GRM4: variants seen among roughly 807,000 people sequenced by gnomAD.
GRM4 encodes the protein glutamate metabotropic receptor 4, also known as metabotropic glutamate receptor 4.
GRM4 carries 28 observed loss-of-function variants against 81.7 expected under a neutral mutation model. That is an observed-to-expected ratio of 0.34 (90% CI 0.25 to 0.47). The LOEUF (loss-of-function observed/expected upper bound fraction) is 0.47, where lower values mean the gene tolerates loss of function less well. Ranked by LOEUF, GRM4 falls within the 20% of genes least tolerant of loss-of-function variation. The pLI, the probability that GRM4 is intolerant of heterozygous loss-of-function variation, is 1.00. For synonymous variants in GRM4, 488 were observed against 528.8 expected (o/e 0.92, Z 1.06); for missense variants, 948 against 1,290.0 (o/e 0.73, Z 4.06).
chr6:34,105,888 C>T (rs572650393), intron 2 of GRM4: 2 of 152,206 alleles, frequency 1.3e-5, no homozygotes, highest in Non-Finnish European at 2.9e-5. Context: ...ATTGTTGGCT[C>T]TACTTGAAAA....
chr6:34,044,101 CATACACATAT>C (rs1449350148), intron 6 of GRM4, among the ~76,000 whole-genome samples: 18 of 150,582 alleles, frequency 1.2e-4, no homozygotes, highest in Admixed American at 2.0e-4. Flanking sequence ...CATAGACATA[CATACACATAT>C]ATACACAGAC....
chr6:34,113,988 T>C (rs956724874), intron 2 of GRM4, among the ~76,000 whole-genome samples: 2 of 152,108 alleles, frequency 1.3e-5, no homozygotes, highest in African/African-American at 2.4e-5. Context: ...CTTCAGGGTC[T>C]TTGCACTGGC....
intron 1 of GRM4, among the ~76,000 whole-genome samples, chr6:34,142,124 A>C (rs770183496): frequency 4.6e-5 from 7 of 152,298 alleles, no homozygotes; most frequent in Non-Finnish European, 1.0e-4. Flanking sequence ...AGTGGGAGTG[A>C]CAGAGAGCTG....
chr6:34,125,089 T>A (rs1011017853), intron 2 of GRM4, among the ~76,000 whole-genome samples: 5 of 152,166 alleles, frequency 3.3e-5, no homozygotes, highest in East Asian at 3.9e-4. Flanking sequence ...TTCTCCTGCC[T>A]CAGCCTCCTG....
At chr6:34,113,331 T>G (rs1330458737) in intron 2 of GRM4, among the ~76,000 whole-genome samples, 2 of 152,086 alleles carry the variant, frequency 1.3e-5, no homozygotes, top group African/African-American at 4.8e-5. Context: ...TTTAAATTTT[T>G]TGCAGAGATG....
chr6:34,026,637 T>TG (rs1230055355), intron 10 of GRM4, among the ~76,000 whole-genome samples: 1 of 150,292 alleles, frequency 6.7e-6, no homozygotes, highest in Non-Finnish European at 1.5e-5. Flanking sequence ...CTGGCAGGAG[T>TG]GGGTAATTGT....
intron 1 of GRM4, among the ~76,000 whole-genome samples, chr6:34,153,786 G>T (rs1041349508): frequency 9.2e-5 from 14 of 152,186 alleles, no homozygotes; most frequent in Non-Finnish European, 1.6e-4. Context: ...AGTTAGCCAG[G>T]CGTGGTGGCA....
chr6:34,087,494 C>G (rs935017196), intron 3 of GRM4, among the ~76,000 whole-genome samples: 1 of 152,048 alleles, frequency 6.6e-6, no homozygotes, highest in Non-Finnish European at 1.5e-5. Flanking sequence ...GCCTTTCTCC[C>G]TCCTCAGTGA....
In GRM4 at chr6:34,132,935, C is replaced by T. The variant is rs372545022; in HGVS notation, c.519+43G>A. On this transcript the variant is annotated intron_variant, in intron 2 of 10. Transcript: ENST00000538487. ...ACCCTGAAGTGGGGCGGGCAGAGTC[C>T]GTTGGGGGAAGAGCACCTCAGGGGA... 8.6e-5 allele frequency: 130 copies of T among 1,514,166 alleles called. No individual in the cohort carries two copies. In the Middle Eastern group the frequency reaches 1.2e-3, roughly 14 times the overall value. The allele number at this position is 1,514,166 out of a possible 1,614,324, so 93.8% of individuals were successfully genotyped here. A position where few individuals can be genotyped will look rare whatever the true frequency, so the allele number is the denominator to read the frequency against.
intron 10 of GRM4, among the ~76,000 whole-genome samples, chr6:34,026,708 C>G (rs575372530): frequency 1.1e-4 from 17 of 152,194 alleles, no homozygotes; most frequent in Admixed American, 3.3e-4. Flanking sequence ...ACTGAGCCAT[C>G]AGAGCTCTCT....
At chr6:34,054,798 T>C (rs1405909078) in intron 6 of GRM4, 4 of 151,924 alleles carry the variant, frequency 2.6e-5, no homozygotes, top group Non-Finnish European at 5.9e-5. Context: ...CCTGATCTGA[T>C]CTAGGTCTGC....
chr6:34,129,862 G>A (rs1770167479), intron 2 of GRM4, among the ~76,000 whole-genome samples: 1 of 152,176 alleles, frequency 6.6e-6, no homozygotes, highest in Non-Finnish European at 1.5e-5. Context: ...CTCCATGCAG[G>A]AAATCACCTG....
At position 34,059,274 on chromosome 6, in the gene GRM4, G is replaced by C; in HGVS notation, c.873-146C>G. The stretch of plus-strand genomic sequence containing the variant: ...CCCAGCACCGATGCTTTCACCCCAA[G>C]CCATGGATTCCCCCTACCCGCTGCC... On this transcript the variant is annotated intron_variant, in intron 4 of 10. Coordinates refer to ENST00000538487, the MANE Select transcript of GRM4 (RefSeq NM_000841.4). The surrounding 1 kb of genome is among the most constrained non-coding windows in gnomAD (Gnocchi z 5.7). 4.2e-6 allele frequency: 3 copies of C among 710,844 alleles called. No individual in the cohort carries two copies. The South Asian group carries it at 5.3e-5, about 13-fold the overall frequency. The allele number at this position is 710,844 out of a possible 1,614,324, so 44.0% of individuals were successfully genotyped here.
intron 10 of GRM4, among the ~76,000 whole-genome samples, chr6:34,025,861 C>G (rs2127434684): frequency 6.6e-6 from 1 of 152,340 alleles, no homozygotes; most frequent in East Asian, 1.9e-4. Flanking sequence ...CAGAAACACT[C>G]TTTAAATCCT....
intron 3 of GRM4, among the ~76,000 whole-genome samples, chr6:34,079,235 G>A (rs746250887): frequency 3.9e-5 from 6 of 152,110 alleles, no homozygotes; most frequent in Non-Finnish European, 8.8e-5. Context: ...CTTTCAGGAA[G>A]GCTGCCCCTC....
chr6:34,144,199 C>A (rs1333226031), intron 1 of GRM4, among the ~76,000 whole-genome samples: 1 of 152,220 alleles, frequency 6.6e-6, no homozygotes, highest in Non-Finnish European at 1.5e-5. Flanking sequence ...GATGCTGCTG[C>A]CCCATCTCAG....
upstream of GRM4, among the ~76,000 whole-genome samples, chr6:34,147,333 C>T (rs1191425380): frequency 6.6e-6 from 1 of 152,246 alleles, no homozygotes; most frequent in African/African-American, 2.4e-5. Context: ...CTCAGCACCA[C>T]ACATTTTGTA....
intron 6 of GRM4, chr6:34,054,410 C>T (rs1271651318): frequency 1.3e-5 from 2 of 151,910 alleles, no homozygotes; most frequent in East Asian, 1.9e-4. Context: ...GAACTCCGCC[C>T]GCCTCGGCCC....
rs189678859 is a variant in GRM4 at position 34,128,970 on chromosome 6, G to A, written c.519+4008C>T. On this transcript the variant is annotated intron_variant, in intron 2 of 10. Coordinates refer to ENST00000538487, the MANE Select transcript of GRM4 (RefSeq NM_000841.4). ...TTGGAAACTGCTTCCCTCTGGGGGT[G>A]TCTCCAGTCTGCTCTTCCTCCCCCG... 1.0e-3 allele frequency among the ~76,000 whole-genome samples: 156 copies of A among 152,190 alleles called. 1 individual carries two copies. The highest frequency in any genetic ancestry group is 9.5e-3 in the East Asian group (49 of 5,176).
Sources: gnomAD v4.1 joint callset for allele counts (sites outside exome capture counted in the v4.1 genomes callset) on GRCh38, gnomAD v4.1.1 for gene constraint, Gnocchi (gnomAD v3.1) non-coding constraint, MANE v1.5 for transcripts, NCBI Gene and HGNC (gene_info 2026-07-23, HGNC 2026-07-21) for gene names.